The following SVOPL variants were observed in gnomAD, a reference collection of about 807,000 sequenced individuals.
SVOPL encodes the protein SVOP like.
In SVOPL, 60 loss-of-function variants were observed where a neutral mutation model predicts 61.0. The observed-to-expected ratio is 0.98, with a 90% CI of 0.80 to 1.22. The LOEUF (loss-of-function observed/expected upper bound fraction) is 1.22, where lower values mean the gene tolerates loss of function less well. Ranked by LOEUF, SVOPL falls within the 50% of genes most tolerant of loss-of-function variation. SVOPL has a pLI of 0.00. For synonymous variants in SVOPL, 279 were observed against 250.0 expected (o/e 1.12, Z -1.09); for missense variants, 662 against 643.9 (o/e 1.03, Z -0.30).
intron 6 of SVOPL, among the ~76,000 whole-genome samples, chr7:138,657,308 A>G (rs1428459104): frequency 6.6e-6 from 1 of 152,002 alleles, no homozygotes; most frequent in Non-Finnish European, 1.5e-5. Flanking sequence ...GGTGCTCACC[A>G]CCACACCCAG....
At chr7:138,664,446 G>A (rs1240103728) in intron 4 of SVOPL, among the ~76,000 whole-genome samples, 1 of 131,816 alleles carries the variant, frequency 7.6e-6, no homozygotes, top group Non-Finnish European at 1.6e-5. Context: ...GTATCCTCCA[G>A]CAGGCGGGCG....
intron 1 of SVOPL, among the ~76,000 whole-genome samples, chr7:138,694,347 T>C (rs947095680): frequency 1.3e-5 from 2 of 152,078 alleles, no homozygotes; most frequent in Admixed American, 6.6e-5. Flanking sequence ...TGGGTTCAAG[T>C]GATTCTCCTG....
intron 14 of SVOPL, among the ~76,000 whole-genome samples, chr7:138,620,601 C>CCTAA (rs1799521490): frequency 6.6e-6 from 1 of 152,096 alleles, no homozygotes; most frequent in South Asian, 2.1e-4. Flanking sequence ...TTTATCCCAG[C>CCTAA]CTAAGCCTGG....
intron 4 of SVOPL, among the ~76,000 whole-genome samples, chr7:138,669,374 C>G (rs1287792183): frequency 1.3e-5 from 2 of 152,156 alleles, no homozygotes; most frequent in Non-Finnish European, 1.5e-5. Context: ...CACCACCACA[C>G]TCCAGCCCGG....
chr7:138,693,385 C>G (rs1426886689), intron 1 of SVOPL, among the ~76,000 whole-genome samples: 1 of 151,406 alleles, frequency 6.6e-6, no homozygotes, highest in East Asian at 1.9e-4. Context: ...TGGGCATGGT[C>G]CCAGCTACTT....
intron 14 of SVOPL, among the ~76,000 whole-genome samples, chr7:138,616,181 A>G (rs1332304265): frequency 6.6e-6 from 1 of 152,176 alleles, no homozygotes; most frequent in East Asian, 1.9e-4. Context: ...AGCCACCCAG[A>G]GTCTGTGGTA....
intron 14 of SVOPL, among the ~76,000 whole-genome samples, chr7:138,602,478 T>TAG (rs1798571876): frequency 6.9e-6 from 1 of 144,616 alleles, no homozygotes; most frequent in Non-Finnish European, 1.5e-5. Context: ...TATATATATG[T>TAG]AGATGTGTGT....
chr7:138,617,346 A>AT (rs1390801409), intron 14 of SVOPL, among the ~76,000 whole-genome samples: 1 of 152,216 alleles, frequency 6.6e-6, no homozygotes, highest in African/African-American at 2.4e-5. Flanking sequence ...ACTGATTAAA[A>AT]TTTTTAGTTT....
intron 8 of SVOPL, 90 bp downstream of exon 8, chr7:138,648,922 G>A (rs1436136116): frequency 1.4e-5 from 22 of 1,572,934 alleles, no homozygotes; most frequent in East Asian, 2.3e-5. Flanking sequence ...ACTCTGTCTC[G>A]AGGGGGAAAA....
At chr7:138,641,814 T>TTATATATATATATATATATATATAACA (rs10666134) in intron 9 of SVOPL, among the ~76,000 whole-genome samples, 1 of 120,972 alleles carries the variant, frequency 8.3e-6, no homozygotes, top group Non-Finnish European at 1.7e-5. Context: ...TATATATATG[T>TTATATATATATATATATATATATAACA]TATATATATA....
intron 4 of SVOPL, chr7:138,664,252 C>A (rs1802148822): frequency 1.0e-6 from 1 of 984,988 alleles, no homozygotes; most frequent in Non-Finnish European, 1.2e-6. Flanking sequence ...ACCTAGCGCG[C>A]GCCTAACCCT....
chr7:138,676,646 A>G (rs1802568242), intron 3 of SVOPL, among the ~76,000 whole-genome samples: 1 of 152,186 alleles, frequency 6.6e-6, no homozygotes. Context: ...CTCTTAAAGG[A>G]TCTGAAAATA....
intron 9 of SVOPL, among the ~76,000 whole-genome samples, chr7:138,635,126 G>A (rs919559272): frequency 6.6e-6 from 1 of 152,056 alleles, no homozygotes; most frequent in African/African-American, 2.4e-5. Context: ...CACAAAATTA[G>A]CTGGGTGTGG....
At chr7:138,596,969 G>A (rs927442892) in intron 14 of SVOPL, 2 of 1,118,342 alleles carry the variant, frequency 1.8e-6, no homozygotes, top group Admixed American at 4.4e-5. Flanking sequence ...GTTTTTTTTG[G>A]AAGAGGTGTT....
chr7:138,601,060 G>C lies in SVOPL; in HGVS notation c.1354-4530C>G, dbSNP rs375042552. Among the ~76,000 whole-genome samples the C allele has an allele frequency of 3.3e-5, 5 of 151,890 alleles. No individual in the cohort carries two copies. In the South Asian group the frequency reaches 6.3e-4, roughly 19 times the overall value. On this transcript the variant is annotated intron_variant, in intron 14 of 15. Coordinates refer to ENST00000674285, the MANE Select transcript of SVOPL (RefSeq NM_001139456.2). ...AGGTCAGGAGATCGAGACCATCCTG[G>C]CTAACATGGTGAAACCCTGTCTCTA... is the stretch of plus-strand genomic sequence containing the variant.
In SVOPL at chr7:138,594,615, T is replaced by C. The variant is rs1382994324; in HGVS notation, c.1474A>G (p.Lys492Glu). 6.3e-7 allele frequency: 1 copy of C among 1,596,188 alleles called. No homozygotes were observed. Among genetic ancestry groups the C allele is most frequent in the Non-Finnish European group, 8.5e-7 (1 of 1,171,434 alleles). ...ETKGRALQQI[K>E] ...AGACATAGCTTTGCAGGTCTTCATT[T>C]AATTTGCTGGAAGAAAGTTATTTAA... The change falls in exon 16 of 16, where the codon AAA becomes GAA. Residue 492 changes from lysine to glutamate, a missense_variant. By Grantham distance (56) the Lys-to-Glu change is moderately conservative (BLOSUM62 1). Transcript: ENST00000674285.
At chr7:138,692,556 C>T (rs1293924390) in intron 1 of SVOPL, among the ~76,000 whole-genome samples, 5 of 151,976 alleles carry the variant, frequency 3.3e-5, no homozygotes, top group Non-Finnish European at 7.4e-5. Flanking sequence ...TTATATATTT[C>T]TGATTAAAAA....
chr7:138,689,094 A>G (rs1802881941), intron 1 of SVOPL: 2 of 746,656 alleles, frequency 2.7e-6, no homozygotes, highest in Non-Finnish European at 4.9e-6. Flanking sequence ...CATCAAGGGT[A>G]TGCATATATG....
At position 138,663,931 on chromosome 7, in the gene SVOPL, CTT is replaced by C. The variant is rs559923596; in HGVS notation, c.274-788_274-787del. On this transcript the variant is annotated intron_variant, in intron 4 of 15. Coordinates refer to ENST00000674285, the MANE Select transcript of SVOPL (RefSeq NM_001139456.2). Reference sequence around the variant, plus strand: ...CTGCTTTTTTTCTCCTTCCTTCACTCTTTAGAGGGAAGACTGAAATGCATTTC... The same window carrying C: ...CTGCTTTTTTTCTCCTTCCTTCACTCTAGAGGGAAGACTGAAATGCATTTC... Among the ~76,000 whole-genome samples, 63 of 152,298 alleles carry C rather than the reference CTT, an allele frequency of 4.1e-4. No individual in the cohort carries two copies. The South Asian group carries it at 0.011, about 28-fold the overall frequency.
Sources: gnomAD v4.1 joint callset for allele counts (sites outside exome capture counted in the v4.1 genomes callset) on GRCh38, gnomAD v4.1.1 for gene constraint, MANE v1.5 for transcripts, NCBI Gene and HGNC (gene_info 2026-07-23, HGNC 2026-07-21) for gene names.